The following CELF2 variants were observed in gnomAD, a reference collection of about 807,000 sequenced individuals.
The protein encoded by CELF2 is CUG triplet repeat RNA-binding protein 2.
A neutral mutation model predicts 62.6 loss-of-function variants in CELF2; 8 were observed. The ratio of observed to expected loss-of-function variants is 0.13; its 90% CI spans 0.07 to 0.23. The LOEUF (loss-of-function observed/expected upper bound fraction) is 0.23. CELF2 is among the 10% of genes least tolerant of loss of function. CELF2 has a pLI of 1.00. For synonymous variants in CELF2, 258 were observed against 250.0 expected (o/e 1.03, Z -0.30); for missense variants, 333 against 671.0 (o/e 0.50, Z 5.56).
At position 11,108,957 on chromosome 10, in the gene CELF2, C is replaced by T. The variant is rs983014871; in HGVS notation, c.75-56529C>T. 3.3e-5 allele frequency among the ~76,000 whole-genome samples: 5 copies of T among 152,302 alleles called. No homozygotes were observed. In the East Asian group the frequency reaches 7.7e-4, roughly 24 times the overall value. On this transcript the variant is annotated intron_variant, in intron 1 of 12. Transcript: ENST00000633077. ...CCTCTGTTCACTGTTAGGTGTGGCA[C>T]ACATCTTCCAGTTTTGTCTACTGTG... is the stretch of plus-strand genomic sequence containing the variant.
At chr10:10,658,720 A>G in the CELF2 span, among the ~76,000 whole-genome samples, 1 of 152,292 alleles carries the variant, frequency 6.6e-6, no homozygotes. Flanking sequence ...TGAATTTGTG[A>G]GTCTATTCTA....
chr10:10,981,569 A>G (rs1269095328), intron 2 of CELF2, among the ~76,000 whole-genome samples: 3 of 152,240 alleles, frequency 2.0e-5, no homozygotes, highest in Non-Finnish European at 4.4e-5. Context: ...TCGTCCATGC[A>G]TGCTTTATTT....
At chr10:10,580,890 T>C in the CELF2 span, among the ~76,000 whole-genome samples, 3 of 152,292 alleles carry the variant, frequency 2.0e-5, no homozygotes, top group African/African-American at 7.2e-5. Flanking sequence ...CTAAAGAAGC[T>C]AATAGAATTA....
chr10:10,551,050 C>G, the CELF2 span, among the ~76,000 whole-genome samples: 1 of 152,166 alleles, frequency 6.6e-6, no homozygotes, highest in African/African-American at 2.4e-5. Flanking sequence ...TTATTTCCAC[C>G]CATGGTTGCA....
chr10:10,905,884 G>GAA (rs542102265), intron 1 of CELF2, among the ~76,000 whole-genome samples: 7 of 99,788 alleles, frequency 7.0e-5, no homozygotes, highest in African/African-American at 2.5e-4. Context: ...TCTCAAAAAA[G>GAA]AAAAAAAAAA....
intron 1 of CELF2, among the ~76,000 whole-genome samples, chr10:11,139,799 G>A (rs1030845092): frequency 1.7e-4 from 26 of 148,630 alleles, no homozygotes; most frequent in African/African-American, 4.9e-4. Flanking sequence ...ACCTCTCCCC[G>A]TTTCCTTTCC....
rs1593962967 is a variant in CELF2, at chr10:11,046,684, C to G, written c.74+28521C>G. Among the ~76,000 whole-genome samples the G allele has an allele frequency of 6.6e-6, 1 of 152,204 alleles. No individual in the cohort carries two copies. Among genetic ancestry groups the G allele is most frequent in the Non-Finnish European group, 1.5e-5 (1 of 68,032 alleles). Reference sequence around the variant, plus strand: ...GACGCTAATAACAGCCCGCAGAACCCTCAGGACCCATACAGGAATGAGGAT... The same window carrying G: ...GACGCTAATAACAGCCCGCAGAACCGTCAGGACCCATACAGGAATGAGGAT... On this transcript the variant is annotated intron_variant, in intron 1 of 12. Coordinates refer to ENST00000633077, the MANE Select transcript of CELF2 (RefSeq NM_001326342.2). The surrounding 1 kb of genome is among the most constrained non-coding windows in gnomAD (Gnocchi z 4.6).
chr10:10,467,962 C>T, the CELF2 span, among the ~76,000 whole-genome samples: 1 of 152,040 alleles, frequency 6.6e-6, no homozygotes, highest in Admixed American at 6.6e-5. Flanking sequence ...CTCTAAAGAA[C>T]TGTGAATCCT....
In CELF2 at chr10:11,302,855, C is replaced by T. The variant is rs994926162; in HGVS notation, c.977-11284C>T. 1.3e-5 allele frequency among the ~76,000 whole-genome samples: 2 copies of T among 152,188 alleles called. No individual in the cohort carries two copies. The highest frequency in any genetic ancestry group is 4.1e-4 in the South Asian group (2 of 4,824). ...AGTTGGAGCCTTCACCAGAGTTCTG[C>T]CTGGAAGCATTAGAATCCTGCCTTC... is the stretch of plus-strand genomic sequence containing the variant. On this transcript the variant is annotated intron_variant, in intron 9 of 12. Transcript: ENST00000633077. This position sits in a 1 kb window ranked among gnomAD's most constrained non-coding sequence, Gnocchi z 5.0.
chr10:10,484,607 A>C, the CELF2 span, among the ~76,000 whole-genome samples: 1 of 151,624 alleles, frequency 6.6e-6, no homozygotes, highest in South Asian at 2.1e-4. Context: ...ATGAGCCACC[A>C]CACCCTGCCA....
At chr10:10,801,526 GGTTGTTA>G (rs2054662992) in intron 1 of CELF2, among the ~76,000 whole-genome samples, 1 of 152,148 alleles carries the variant, frequency 6.6e-6, no homozygotes, top group Non-Finnish European at 1.5e-5. Context: ...CACATAGCAC[GGTTGTTA>G]GCAGGGTTGT....
the CELF2 span, among the ~76,000 whole-genome samples, chr10:10,606,936 A>G: frequency 3.9e-5 from 6 of 152,338 alleles, no homozygotes; most frequent in East Asian, 9.6e-4. Flanking sequence ...ACCCTGGGGT[A>G]AGGTTACCCT....
chr10:10,857,890 C>T (rs2059838087), intron 1 of CELF2, among the ~76,000 whole-genome samples: 2 of 151,286 alleles, frequency 1.3e-5, no homozygotes, highest in African/African-American at 4.9e-5. Flanking sequence ...AAATATAAAA[C>T]ACAACCATAG....
At chr10:11,024,454 A>G (rs2058810743) in intron 1 of CELF2, among the ~76,000 whole-genome samples, 1 of 152,090 alleles carries the variant, frequency 6.6e-6, no homozygotes, top group South Asian at 2.1e-4. Flanking sequence ...TACAAAAATT[A>G]GTTCGCCGTG....
intron 1 of CELF2, among the ~76,000 whole-genome samples, chr10:11,031,032 T>C (rs2060026227): frequency 6.6e-6 from 1 of 152,222 alleles, no homozygotes; most frequent in African/African-American, 2.4e-5. Context: ...CTTTGGAGGA[T>C]TTCATTAGAC....
chr10:11,165,761 G>T lies in CELF2; in HGVS notation c.271+79G>T, dbSNP rs2066901880. The T allele has an allele frequency of 2.2e-6, 3 of 1,347,908 alleles. No individual in the cohort carries two copies. Among genetic ancestry groups the T allele is most frequent in the East Asian group, 5.1e-5 (2 of 39,500 alleles). The allele number at this position is 1,347,908 out of a possible 1,614,324, so 83.5% of individuals were successfully genotyped here. The stretch of plus-strand genomic sequence containing the variant: ...CTGGGGCTGTCCGAGCCCCCAGCCT[G>T]CAGGAGGAAGGGCGGGTAGGCAGGA... On this transcript the variant is annotated intron_variant, in intron 2 of 12. Transcript: ENST00000633077. The surrounding 1 kb of genome is among the most constrained non-coding windows in gnomAD (Gnocchi z 7.4).
At chr10:10,823,425 G>A (rs2038664) in intron 1 of CELF2, among the ~76,000 whole-genome samples, 71,599 of 151,930 alleles carry the variant, frequency 0.47, 17,433 homozygotes, top group African/African-American at 0.59. Flanking sequence ...TGTAGGAATG[G>A]CTATTCCTTA....
chr10:10,818,322 G>T (rs1378912249), intron 1 of CELF2, among the ~76,000 whole-genome samples: 4 of 152,102 alleles, frequency 2.6e-5, no homozygotes, highest in Non-Finnish European at 5.9e-5. Context: ...TCCAAAAGCA[G>T]AGGACCCAAG....
intron 1 of CELF2, among the ~76,000 whole-genome samples, chr10:11,056,087 C>G (rs1192913566): frequency 3.3e-5 from 5 of 152,138 alleles, no homozygotes; most frequent in African/African-American, 1.2e-4. Flanking sequence ...GAATGCTGAG[C>G]CCATGTATAG....
Sources: allele counts gnomAD v4.1 joint callset (sites outside exome capture counted in the v4.1 genomes callset), GRCh38; gene constraint gnomAD v4.1.1; non-coding constraint Gnocchi (gnomAD v3.1); transcripts MANE v1.5; gene names NCBI Gene and HGNC (gene_info 2026-07-23, HGNC 2026-07-21).